NFIA: variants seen among roughly 807,000 people sequenced by gnomAD.
NFIA encodes nuclear factor I A.
NFIA carries 8 observed loss-of-function variants against 62.8 expected under a neutral mutation model. The ratio of observed to expected loss-of-function variants is 0.13; its 90% CI spans 0.07 to 0.23. NFIA has a LOEUF of 0.23. Ranked by LOEUF, NFIA falls within the 10% of genes least tolerant of loss-of-function variation. NFIA has a pLI of 1.00. For synonymous variants in NFIA, 235 were observed against 238.1 expected (o/e 0.99, Z 0.12); for missense variants, 410 against 642.1 (o/e 0.64, Z 3.91).
chr1:61,121,135 G>A (rs2100470356), intron 2 of NFIA, among the ~76,000 whole-genome samples: 1 of 152,294 alleles, frequency 6.6e-6, no homozygotes, highest in Middle Eastern at 3.4e-3. Flanking sequence ...CTTGTGTACT[G>A]CAAATGATGC....
At chr1:61,405,020 A>G (rs561802806) in intron 8 of NFIA, among the ~76,000 whole-genome samples, 6 of 152,342 alleles carry the variant, frequency 3.9e-5, no homozygotes, top group African/African-American at 1.2e-4. Flanking sequence ...ATAATAATAA[A>G]CAACGACCAG....
At chr1:61,184,247 G>A (rs1650983481) in intron 2 of NFIA, among the ~76,000 whole-genome samples, 1 of 152,022 alleles carries the variant, frequency 6.6e-6, no homozygotes, top group Non-Finnish European at 1.5e-5. Context: ...CCATTTTAAG[G>A]AGCCAGTGAA....
At chr1:61,381,924 A>G (rs578097369) in intron 6 of NFIA, among the ~76,000 whole-genome samples, 2 of 152,344 alleles carry the variant, frequency 1.3e-5, no homozygotes, top group South Asian at 4.1e-4. Flanking sequence ...CTATACCTAT[A>G]AAGTGCTTGG....
intron 3 of NFIA, among the ~76,000 whole-genome samples, chr1:61,318,569 T>A (rs1410465556): frequency 6.6e-6 from 1 of 152,204 alleles, no homozygotes; most frequent in African/African-American, 2.4e-5. Flanking sequence ...GACGCTCCCA[T>A]GAAACTAAAG....
intron 2 of NFIA, among the ~76,000 whole-genome samples, chr1:61,171,296 A>G (rs981505554): frequency 2.6e-5 from 4 of 152,360 alleles, no homozygotes; most frequent in African/African-American, 7.2e-5. Context: ...TACTTGAAAT[A>G]AAAAGCCGAG....
At chr1:61,253,778 A>G (rs1476378094) in intron 2 of NFIA, among the ~76,000 whole-genome samples, 1 of 152,182 alleles carries the variant, frequency 6.6e-6, no homozygotes, top group Non-Finnish European at 1.5e-5. Context: ...GTCTAAATAA[A>G]ATAAACTCTT....
chr1:61,414,541 GT>G (rs34699827), intron 9 of NFIA, among the ~76,000 whole-genome samples: 2 of 146,750 alleles, frequency 1.4e-5, no homozygotes, highest in African/African-American at 2.5e-5. Context: ...TTTTTGTTTT[GT>G]TTTTTTTTTT....
At chr1:61,143,386 C>T (rs777536577) in intron 2 of NFIA, among the ~76,000 whole-genome samples, 1 of 151,922 alleles carries the variant, frequency 6.6e-6, no homozygotes, top group Non-Finnish European at 1.5e-5. Flanking sequence ...ATATGTCATT[C>T]TGCTTTTTGT....
At chr1:61,086,181 G>A (rs970220317) in intron 1 of NFIA, among the ~76,000 whole-genome samples, 11 of 152,002 alleles carry the variant, frequency 7.2e-5, no homozygotes, top group African/African-American at 2.7e-4. Context: ...GGAGTTTTTT[G>A]CATAATACAA....
intron 2 of NFIA, among the ~76,000 whole-genome samples, chr1:61,175,859 A>G (rs920059087): frequency 6.6e-6 from 1 of 152,218 alleles, no homozygotes. Context: ...TCTGTGCCAC[A>G]AACTGTAATA....
At chr1:61,187,986 G>A (rs1314471005) in intron 2 of NFIA, among the ~76,000 whole-genome samples, 2 of 152,060 alleles carry the variant, frequency 1.3e-5, no homozygotes, top group East Asian at 1.9e-4. Context: ...TCCCAGAGAT[G>A]TTGGGCCTGG....
chr1:61,121,232 T>G (rs1028747215), intron 2 of NFIA, among the ~76,000 whole-genome samples: 8 of 152,202 alleles, frequency 5.3e-5, no homozygotes, highest in South Asian at 4.1e-4. Flanking sequence ...AACTCTTGTT[T>G]TATTAGGTAA....
chr1:61,196,805 T>G (rs1335756932), intron 2 of NFIA, among the ~76,000 whole-genome samples: 2 of 152,098 alleles, frequency 1.3e-5, no homozygotes, highest in African/African-American at 4.8e-5. Flanking sequence ...TAGAATAAAA[T>G]GTGATGTAAA....
At chr1:61,306,828 G>A (rs1028502404) in intron 3 of NFIA, among the ~76,000 whole-genome samples, 5 of 152,138 alleles carry the variant, frequency 3.3e-5, no homozygotes, top group African/African-American at 1.2e-4. Flanking sequence ...GCACAGCCAG[G>A]CATTGTCTGT....
chr1:61,283,917 A>G (rs1392468432), intron 3 of NFIA, among the ~76,000 whole-genome samples: 1 of 152,184 alleles, frequency 6.6e-6, no homozygotes, highest in African/African-American at 2.4e-5. Context: ...TGTGTCATTT[A>G]GTTGGGTGAT....
chr1:61,372,871 G>A (rs972983140), intron 6 of NFIA, among the ~76,000 whole-genome samples: 1 of 152,106 alleles, frequency 6.6e-6, no homozygotes, highest in African/African-American at 2.4e-5. Flanking sequence ...AACTCTTTCA[G>A]AGAAAGGTTT....
Position 61,455,289 on chromosome 1 carries a change from C to T in NFIA, c.1513-14C>T. 11 of 1,613,046 alleles carry T rather than the reference C, an allele frequency of 6.8e-6. No homozygotes were observed. The highest frequency in any genetic ancestry group is 9.3e-6 in the Non-Finnish European group (11 of 1,179,712). On this transcript the variant is annotated splice_polypyrimidine_tract_variant and intron_variant, in intron 10 of 10. Transcript: ENST00000403491. Reference sequence around the variant, plus strand: ...AATTGTGATTTTAATTGTATTTTTCCTTTTGTCTTCCAGTCCTGGTACCTG... The same window carrying T: ...AATTGTGATTTTAATTGTATTTTTCTTTTTGTCTTCCAGTCCTGGTACCTG...
chr1:61,417,236 A>G (rs1666390268), intron 9 of NFIA, among the ~76,000 whole-genome samples: 1 of 147,598 alleles, frequency 6.8e-6, no homozygotes, highest in African/African-American at 2.5e-5. Flanking sequence ...ATTATCAACT[A>G]TTAACATTTT....
rs966334181 is a variant in NFIA, at chr1:61,458,462, T to C, written c.*3142T>C. ...GAATAAACTGCCCGCTCAGAAGATATGTAATTTGTATTGTTGTATAGTTTT... is the reference window on the plus strand; with the variant it reads ...GAATAAACTGCCCGCTCAGAAGATACGTAATTTGTATTGTTGTATAGTTTT... On this transcript the variant is annotated 3_prime_UTR_variant, in exon 11 of 11. Transcript: ENST00000403491. 6.6e-5 allele frequency: 10 copies of C among 152,140 alleles called. No individual in the cohort carries two copies. Among genetic ancestry groups the C allele is most frequent in the Non-Finnish European group, 1.0e-4 (7 of 68,008 alleles). 9.4% of individuals were successfully genotyped at this position (152,140 alleles called of 1,614,324 possible).
Sources: gnomAD v4.1 joint callset for allele counts (sites outside exome capture counted in the v4.1 genomes callset) on GRCh38, gnomAD v4.1.1 for gene constraint, MANE v1.5 for transcripts, NCBI Gene and HGNC (gene_info 2026-07-23, HGNC 2026-07-21) for gene names.